CACFD1: variants seen among roughly 807,000 people sequenced by gnomAD.
CACFD1 encodes calcium channel flower homolog.
Under a neutral mutation model 21.3 loss-of-function variants are expected in CACFD1, and 26 were observed. The observed-to-expected ratio is 1.22, with a 90% confidence interval of 0.89 to 1.69. The LOEUF (loss-of-function observed/expected upper bound fraction) is 1.69. Among genes scored for constraint, CACFD1 ranks in the 40% most tolerant of loss-of-function variants. The pLI is 0.00. For missense variants in CACFD1, 265 were observed against 236.2 expected (o/e 1.12, Z -0.80); for synonymous variants, 121 against 106.6 (o/e 1.13, Z -0.83).
At chr9:133,460,210 G>T (rs587662076) in intron 1 of CACFD1, 23 bp downstream of exon 1, 1 of 1,512,952 alleles carries the variant, frequency 6.6e-7, no homozygotes, top group Non-Finnish European at 8.8e-7. Flanking sequence ...TCGGGGAGAG[G>T]GGCCGGCCCC....
At chr9:133,460,540 T>G (rs1843153894) in intron 1 of CACFD1, among the ~76,000 whole-genome samples, 1 of 122,932 alleles carries the variant, frequency 8.1e-6, no homozygotes, top group Non-Finnish European at 1.9e-5. Flanking sequence ...CCCAGGGGCT[T>G]TTGTGAGACT....
intron 3 of CACFD1, 112 bp from the exon 4 acceptor site, chr9:133,467,809 C>T: frequency 2.8e-6 from 2 of 720,496 alleles, no homozygotes; most frequent in Non-Finnish European, 2.4e-6. Flanking sequence ...TTTTGGGGAT[C>T]CTTCCTGTGC....
chr9:133,462,398 G>C (rs1554798741), intron 1 of CACFD1, among the ~76,000 whole-genome samples: 1 of 152,218 alleles, frequency 6.6e-6, no homozygotes, highest in Admixed American at 6.5e-5. Flanking sequence ...AGGAGACCCT[G>C]GGGGCCCATG....
intron 2 of CACFD1, among the ~76,000 whole-genome samples, chr9:133,463,974 G>A (rs587667149): frequency 6.6e-6 from 1 of 152,342 alleles, no homozygotes; most frequent in South Asian, 2.1e-4. Context: ...GGGTTGAATG[G>A]TCTGCTGGGA....
intron 2 of CACFD1, 46 bp downstream of exon 2, chr9:133,463,601 G>A (rs1441382611): frequency 1.3e-6 from 2 of 1,599,752 alleles, no homozygotes; most frequent in African/African-American, 2.7e-5. Context: ...TGCTGGTCGG[G>A]AATCTGCTGG....
Position 133,465,143 on chromosome 9 carries a change from A to G in CACFD1, c.195-179A>G. 1.5e-6 allele frequency: 1 copy of G among 651,774 alleles called. No homozygotes were observed. Among genetic ancestry groups the G allele is most frequent in the Non-Finnish European group, 2.7e-6 (1 of 368,844 alleles). The allele number at this position is 651,774 out of a possible 1,614,324, so 40.4% of individuals were successfully genotyped here. A position where few individuals can be genotyped will look rare whatever the true frequency, so the allele number is the denominator to read the frequency against. ...GCTGGGGAGTGCTGGAGTCTTCAGC[A>G]GAGGCTCTCCGAGGGGTACGAGCAG... On this transcript the variant is annotated intron_variant, in intron 2 of 4. Transcript: ENST00000316948. The surrounding 1 kb of genome is among the most constrained non-coding windows in gnomAD (Gnocchi z 5.0).
chr9:133,464,301 TG>T (rs1251151347), intron 2 of CACFD1, among the ~76,000 whole-genome samples: 2 of 152,216 alleles, frequency 1.3e-5, no homozygotes, highest in Non-Finnish European at 2.9e-5. Context: ...CCTGCTGTGG[TG>T]GGGTCCTCAG....
intron 1 of CACFD1, among the ~76,000 whole-genome samples, chr9:133,460,448 CCAG>C (rs1346114265): frequency 1.4e-5 from 1 of 71,896 alleles, no homozygotes; most frequent in Non-Finnish European, 4.1e-5. Flanking sequence ...CCCGGAGGGA[CCAG>C]AAACCCCAGG....
intron 1 of CACFD1, chr9:133,462,350 C>T (rs1369465404): frequency 2.4e-6 from 3 of 1,227,964 alleles, no homozygotes; most frequent in Non-Finnish European, 3.2e-6. Flanking sequence ...TAAGGCTGTG[C>T]TGAGGAGCAG....
chr9:133,468,321 G>C lies in CACFD1; in HGVS notation c.429-242G>C, dbSNP rs782356369. The C allele has an allele frequency of 2.0e-5, 30 of 1,533,348 alleles. 1 individual carries two copies. The South Asian group carries it at 2.5e-4, about 13-fold the overall frequency. The allele number at this position is 1,533,348 out of a possible 1,614,324, so 95.0% of individuals were successfully genotyped here. ...TCTGCACCGGGCATTGTACTCAGTT[G>C]CCACCCTCTCTCCTGCAGAGCCCAG... On this transcript the variant is annotated intron_variant, in intron 4 of 4. Coordinates refer to ENST00000316948, the MANE Select transcript of CACFD1 (RefSeq NM_017586.5).
At chr9:133,468,390 G>C in intron 4 of CACFD1, 173 bp from the exon 5 acceptor site, 1 of 1,535,906 alleles carries the variant, frequency 6.5e-7, no homozygotes, top group Non-Finnish European at 8.7e-7. Flanking sequence ...AGGGAGCCTG[G>C]GCCATTCTCA....
intron 3 of CACFD1, 30 bp from the exon 4 acceptor site, chr9:133,467,891 G>A: frequency 1.3e-6 from 2 of 1,512,496 alleles, no homozygotes; most frequent in East Asian, 4.5e-5. Flanking sequence ...TGGGGCCGGA[G>A]TGCCCCCTTG....
chr9:133,468,749 G>C lies in CACFD1; in HGVS notation c.*96G>C, dbSNP rs1244967325. The C allele has an allele frequency of 2.8e-6, 4 of 1,454,266 alleles. No individual in the cohort carries two copies. Among genetic ancestry groups the C allele is most frequent in the Non-Finnish European group, 3.6e-6 (4 of 1,105,014 alleles). 90.1% of individuals were successfully genotyped at this position (1,454,266 alleles called of 1,614,324 possible). A position where few individuals can be genotyped will look rare whatever the true frequency, so the allele number is the denominator to read the frequency against. On this transcript the variant is annotated 3_prime_UTR_variant, in exon 5 of 5. Transcript: ENST00000316948. ...CCACGCTGAGGCACAGCCTGGAGAG[G>C]GGCCTTTGCACGTGTCCCTACACCT...
chr9:133,465,636 A>C lies in CACFD1; in HGVS notation c.320+189A>C, dbSNP rs1843407582. On this transcript the variant is annotated intron_variant, in intron 3 of 4. Coordinates refer to ENST00000316948, the MANE Select transcript of CACFD1 (RefSeq NM_017586.5). The surrounding 1 kb of genome is among the most constrained non-coding windows in gnomAD (Gnocchi z 5.0). The stretch of plus-strand genomic sequence containing the variant: ...AACGTGCCCCAGTGGTTCTGCGCCC[A>C]GGAACTCAGCTGTCGCTGTGCCGTA... 1.6e-6 allele frequency: 1 copy of C among 611,770 alleles called. No homozygotes were observed. Among genetic ancestry groups the C allele is most frequent in the African/African-American group, 1.9e-5 (1 of 53,982 alleles). 37.9% of individuals were successfully genotyped at this position (611,770 alleles called of 1,614,324 possible).
rs781916024 is a variant in CACFD1, at chr9:133,470,204, TGTGTGTGTGTG to T, written c.*1552_*1562del. The T allele has an allele frequency of 6.7e-6, 1 of 150,086 alleles. No individual in the cohort carries two copies. The highest frequency in any genetic ancestry group is 6.6e-5 in the Admixed American group (1 of 15,050). The allele number at this position is 150,086 out of a possible 1,614,324, so 9.3% of individuals were successfully genotyped here. A position where few individuals can be genotyped will look rare whatever the true frequency, so the allele number is the denominator to read the frequency against. The stretch of plus-strand genomic sequence containing the variant: ...GTTCAAAGGGCTGTGTGTGTGTGTG[TGTGTGTGTGTG>T]TGTGTGTGTGTATGTATATGTGTGT... On this transcript the variant is annotated 3_prime_UTR_variant, in exon 5 of 5. Transcript: ENST00000316948.
intron 2 of CACFD1, among the ~76,000 whole-genome samples, chr9:133,463,814 G>A (rs587654390): frequency 2.0e-5 from 3 of 152,244 alleles, no homozygotes; most frequent in East Asian, 1.9e-4. Flanking sequence ...GCCTTCATCC[G>A]GTGCAGGGGC....
chr9:133,468,560 C>G lies in CACFD1; in HGVS notation c.429-3C>G. On this transcript the variant is annotated splice_polypyrimidine_tract_variant and splice_region_variant and intron_variant, in intron 4 of 4. Coordinates refer to ENST00000316948, the MANE Select transcript of CACFD1 (RefSeq NM_017586.5). ...ACGTGACGCTGCCTCTCTCTCTCCC[C>G]AGGGGCGATGCGATCTCCTATGCCA... The G allele has an allele frequency of 6.3e-7, 1 of 1,575,788 alleles. No individual in the cohort carries two copies. The highest frequency in any genetic ancestry group is 8.6e-7 in the Non-Finnish European group (1 of 1,162,544).
intron 1 of CACFD1, 27 bp downstream of exon 1, chr9:133,460,214 CG>C (rs782404041): frequency 6.7e-7 from 1 of 1,502,942 alleles, no homozygotes. Context: ...GGAGAGGGGC[CG>C]GCCCCGCCGC....
intron 4 of CACFD1, 66 bp from the exon 5 acceptor site, chr9:133,468,497 A>G: frequency 6.5e-7 from 1 of 1,545,560 alleles, no homozygotes. Flanking sequence ...GGAACCGGGC[A>G]GTGGTCAGGA....
Sources: allele counts gnomAD v4.1 joint callset (sites outside exome capture counted in the v4.1 genomes callset), GRCh38; gene constraint gnomAD v4.1.1; non-coding constraint Gnocchi (gnomAD v3.1); transcripts MANE v1.5; gene names NCBI Gene and HGNC (gene_info 2026-07-23, HGNC 2026-07-21).